COL18A1: variants seen among roughly 807,000 people sequenced by gnomAD.
COL18A1 encodes collagen alpha-1(XVIII) chain.
In COL18A1, 133 loss-of-function variants were observed where a neutral mutation model predicts 168.0. The ratio of observed to expected loss-of-function variants is 0.79; its 90% CI spans 0.69 to 0.91. COL18A1 has a LOEUF of 0.91. Ranked by LOEUF, COL18A1 falls within the 40% of genes least tolerant of loss-of-function variation. The probability of loss-of-function intolerance (pLI) is 0.00; values close to 1 mark genes in which losing one functional copy is unlikely to be tolerated. For missense variants in COL18A1, 2,126 were observed against 1,925.4 expected (o/e 1.10, Z -1.95); for synonymous variants, 949 against 809.0 (o/e 1.17, Z -2.94).
intron 22 of COL18A1, 91 bp from the exon 23 acceptor site, chr21:45,492,444 T>C: frequency 6.9e-7 from 1 of 1,450,272 alleles, no homozygotes; most frequent in East Asian, 2.3e-5. Context: ...ATTTCCTGGT[T>C]TGGTGTTTTG....
intron 2 of COL18A1, among the ~76,000 whole-genome samples, chr21:45,461,719 TGAG>T (rs1463406951): frequency 6.6e-6 from 1 of 152,240 alleles, no homozygotes; most frequent in Non-Finnish European, 1.5e-5. Context: ...ATCCCACATG[TGAG>T]ATCATGCAGT....
intron 2 of COL18A1, among the ~76,000 whole-genome samples, chr21:45,452,851 ATG>A (rs72241035): frequency 0.32 from 47,613 of 146,956 alleles, 7,587 homozygotes; most frequent in East Asian, 0.38. Context: ...ACATGTATGT[ATG>A]TGTGGGGCTT....
intron 15 of COL18A1, among the ~76,000 whole-genome samples, chr21:45,483,468 C>A (rs1382595506): frequency 6.6e-6 from 1 of 152,094 alleles, no homozygotes; most frequent in Non-Finnish European, 1.5e-5. Flanking sequence ...CTGACACCCC[C>A]CCAACGACCC....
At chr21:45,461,188 C>T (rs1289713643) in intron 2 of COL18A1, among the ~76,000 whole-genome samples, 1 of 152,004 alleles carries the variant, frequency 6.6e-6, no homozygotes, top group Non-Finnish European at 1.5e-5. Context: ...AACTTTGTAC[C>T]CTTCGACCAA....
At chr21:45,508,059 G>T (rs921712577) in intron 38 of COL18A1, among the ~76,000 whole-genome samples, 2 of 151,844 alleles carry the variant, frequency 1.3e-5, no homozygotes, top group Non-Finnish European at 2.9e-5. Context: ...ATGGGGAGGT[G>T]GATGGATGAG....
chr21:45,496,515 C>G lies in COL18A1; in HGVS notation c.2524C>G (p.Pro842Ala), dbSNP rs2036548846. The change falls in exon 30 of 42, where the codon CCA becomes GCA. Residue 842 changes from proline (P) to alanine (A), a missense_variant. Pro to Ala is a conservative substitution (Grantham distance 27). Transcript: ENST00000651438. ...GFGMRGMPGP[P>A]GPPGPPGPPG... ...CTCCCCACAGGGAATGCCCGGCCCC[C>G]CAGGACCTCCAGGGCCCCCAGGCCC... 3 of 1,496,216 alleles carry G rather than the reference C, an allele frequency of 2.0e-6. No homozygotes were observed. The highest frequency in any genetic ancestry group is 2.8e-6 in the Non-Finnish European group (3 of 1,073,200). 92.7% of individuals were successfully genotyped at this position (1,496,216 alleles called of 1,614,324 possible). A position where few individuals can be genotyped will look rare whatever the true frequency, so the allele number is the denominator to read the frequency against.
chr21:45,475,125 G>C (rs1250030838), intron 4 of COL18A1, among the ~76,000 whole-genome samples: 3 of 152,242 alleles, frequency 2.0e-5, no homozygotes, highest in African/African-American at 7.2e-5. Flanking sequence ...GGGGAAACCT[G>C]TGCGGGGAGC....
At chr21:45,414,052 AGGT>A (rs2033373995) in intron 2 of COL18A1, among the ~76,000 whole-genome samples, 1 of 152,096 alleles carries the variant, frequency 6.6e-6, no homozygotes, top group Non-Finnish European at 1.5e-5. Context: ...GAGCAGGAGG[AGGT>A]GGAGGAGGAG....
chr21:45,437,155 C>CA (rs2034136163), intron 2 of COL18A1, among the ~76,000 whole-genome samples: 1 of 104,200 alleles, frequency 9.6e-6, no homozygotes, highest in South Asian at 3.1e-4. Flanking sequence ...CACTCACACT[C>CA]AGACACAGGC....
Position 45,489,480 on chromosome 21 carries a change from A to C in COL18A1, c.1924-6A>C, listed in dbSNP as rs754111550. ...AGGTGCTCACGGAGCCCCTTTTTTC[A>C]CTTAGGGGGATCCTGGCGTGCCTGG... On this transcript the variant is annotated splice_region_variant and splice_polypyrimidine_tract_variant and intron_variant, in intron 18 of 41. Coordinates refer to ENST00000651438, the MANE Select transcript of COL18A1 (RefSeq NM_001379500.1). 1.9e-6 allele frequency: 3 copies of C among 1,598,656 alleles called. No individual in the cohort carries two copies. The highest frequency in any genetic ancestry group is 2.2e-5 in the East Asian group (1 of 44,458).
In COL18A1 at chr21:45,505,248, C is replaced by T. The variant is rs1386207254; in HGVS notation, c.2983C>T (p.Pro995Ser). The T allele has an allele frequency of 1.9e-6, 3 of 1,605,724 alleles. No homozygotes were observed. Among genetic ancestry groups the T allele is most frequent in the Admixed American group, 1.7e-5 (1 of 59,754 alleles). The stretch of plus-strand genomic sequence containing the variant: ...TCCCGGCCCCCCAGGCCCCCCAGGG[C>T]CCCCTTCATTTCCTGGCCCTCACAG... ...GPPGPPGPPG[P>S]PSFPGPHRQT... Residue 995 changes from proline (P) to serine (S), a missense_variant, in exon 35 of 42, where the codon CCC becomes TCC. Pro to Ser is a moderately conservative substitution (Grantham distance 74). Coordinates refer to ENST00000651438, the MANE Select transcript of COL18A1 (RefSeq NM_001379500.1).
chr21:45,482,126 G>A (rs2035920394), intron 14 of COL18A1, 101 bp downstream of exon 14: 1 of 895,350 alleles, frequency 1.1e-6, no homozygotes, highest in Non-Finnish European at 1.8e-6. Context: ...GAAATGCCAG[G>A]AATAGCCCCC....
intron 2 of COL18A1, among the ~76,000 whole-genome samples, chr21:45,429,751 C>T (rs2033902255): frequency 2.0e-5 from 3 of 152,198 alleles, no homozygotes; most frequent in Admixed American, 2.0e-4. Flanking sequence ...AGTGTGTCCT[C>T]AGCTGCCAGT....
chr21:45,482,107 C>T lies in COL18A1; in HGVS notation c.1674+82C>T, dbSNP rs1250225886. Reference sequence around the variant, plus strand: ...GGGTCCGGGGGTGCCTGGTGACGCCCGTGAAGGGGAAATGCCAGGAATAGC... The same window carrying T: ...GGGTCCGGGGGTGCCTGGTGACGCCTGTGAAGGGGAAATGCCAGGAATAGC... On this transcript the variant is annotated intron_variant, in intron 14 of 41. Transcript: ENST00000651438. 4.3e-5 allele frequency: 47 copies of T among 1,096,368 alleles called. 1 individual carries two copies. Among genetic ancestry groups the T allele is most frequent in the South Asian group, 1.2e-4 (9 of 76,706 alleles). 67.9% of individuals were successfully genotyped at this position (1,096,368 alleles called of 1,614,324 possible).
At chr21:45,444,855 T>C (rs948909733) in intron 2 of COL18A1, among the ~76,000 whole-genome samples, 1 of 152,178 alleles carries the variant, frequency 6.6e-6, no homozygotes, top group African/African-American at 2.4e-5. Context: ...AGAAAAACTT[T>C]CATCAAATAC....
chr21:45,508,208 G>A (rs899074838), intron 38 of COL18A1, among the ~76,000 whole-genome samples: 1 of 150,316 alleles, frequency 6.7e-6, no homozygotes, highest in Admixed American at 6.6e-5. Flanking sequence ...GTGGGTGAGT[G>A]TATGAATGGG....
chr21:45,451,714 G>A (rs867795358), intron 2 of COL18A1, among the ~76,000 whole-genome samples: 3 of 152,190 alleles, frequency 2.0e-5, no homozygotes, highest in Non-Finnish European at 4.4e-5. Flanking sequence ...GACTGGGAAG[G>A]TCGATCTCAG....
rs2035533235 is a variant in COL18A1 at position 45,473,789 on chromosome 21, C to T, written c.652-106C>T. 1.1e-6 allele frequency: 1 copy of T among 923,312 alleles called. No individual in the cohort carries two copies. The highest frequency in any genetic ancestry group is 1.6e-5 in the African/African-American group (1 of 61,310). The allele number at this position is 923,312 out of a possible 1,614,324, so 57.2% of individuals were successfully genotyped here. On this transcript the variant is annotated intron_variant, in intron 3 of 41. Coordinates refer to ENST00000651438, the MANE Select transcript of COL18A1 (RefSeq NM_001379500.1). This position sits in a 1 kb window ranked among gnomAD's most constrained non-coding sequence, Gnocchi z 4.0. ...CCCGAGACCCCTTCCCTCTCCGAGA[C>T]TCTCCTGCCCTTTGTGGGCCCCCCG...
Position 45,490,878 on chromosome 21 carries a change from G to A in COL18A1, c.2067+7G>A. 6.5e-7 allele frequency: 1 copy of A among 1,549,758 alleles called. No homozygotes were observed. Among genetic ancestry groups the A allele is most frequent in the Admixed American group, 2.0e-5 (1 of 50,994 alleles). ...AGGCAGCCGGGGAGAAAAGGTGAGT[G>A]TCCCTGGGGCGGGTGGATGGGGATG... On this transcript the variant is annotated splice_region_variant and intron_variant, in intron 21 of 41. Coordinates refer to ENST00000651438, the MANE Select transcript of COL18A1 (RefSeq NM_001379500.1).
Sources: allele counts gnomAD v4.1 joint callset (sites outside exome capture counted in the v4.1 genomes callset), GRCh38; gene constraint gnomAD v4.1.1; non-coding constraint Gnocchi (gnomAD v3.1); transcripts MANE v1.5; gene names NCBI Gene and HGNC (gene_info 2026-07-23, HGNC 2026-07-21).